Variants in DRC9 observed in about 807,000 individuals in gnomAD.
DRC9 encodes dynein regulatory complex subunit 9.
the DRC9 span, chr3:197,912,724 T>C: frequency 2.5e-6 from 4 of 1,613,818 alleles, no homozygotes; most frequent in Non-Finnish European, 3.4e-6. Context: ...AGTCCGGGCC[T>C]CTTCTTCGGT....
chr3:197,898,584 T>C, the DRC9 span, among the ~76,000 whole-genome samples: 1 of 152,192 alleles, frequency 6.6e-6, no homozygotes, highest in Non-Finnish European at 1.5e-5. Context: ...GGGTAATTTA[T>C]AAAGGAAAGA....
At chr3:197,932,251 C>T in the DRC9 span, 510 of 1,612,570 alleles carry the variant, frequency 3.2e-4, no homozygotes, top group African/African-American at 4.7e-3. Context: ...TGTAAGTGGC[C>T]GAATCTTGCA....
At chr3:197,911,847 C>G in the DRC9 span, among the ~76,000 whole-genome samples, 1 of 151,504 alleles carries the variant, frequency 6.6e-6, no homozygotes, top group Non-Finnish European at 1.5e-5. Flanking sequence ...TCCATGTTGG[C>G]CAGGCTGGTC....
chr3:197,938,747 G>C, the DRC9 span: 10 of 1,613,540 alleles, frequency 6.2e-6, no homozygotes, highest in East Asian at 2.2e-4. Context: ...AGTTTGTCTA[G>C]ATTCGTTCCT....
At chr3:197,890,649 G>T in the DRC9 span, among the ~76,000 whole-genome samples, 1 of 152,136 alleles carries the variant, frequency 6.6e-6, no homozygotes, top group African/African-American at 2.4e-5. Flanking sequence ...GAAAGCAAAC[G>T]TGCTCTTCAG....
chr3:197,943,489 A>G, the DRC9 span, among the ~76,000 whole-genome samples: 4 of 152,184 alleles, frequency 2.6e-5, no homozygotes, highest in South Asian at 8.3e-4. Context: ...TTTATAAAAA[A>G]TTAGCTGGGT....
the DRC9 span, among the ~76,000 whole-genome samples, chr3:197,922,874 G>C: frequency 6.6e-6 from 1 of 152,082 alleles, no homozygotes; most frequent in East Asian, 1.9e-4. Flanking sequence ...TCAGGGAAAA[G>C]AGTTAGGAAA....
chr3:197,945,724 C>A, the DRC9 span: 2 of 794,784 alleles, frequency 2.5e-6, no homozygotes, highest in Non-Finnish European at 4.2e-6. Flanking sequence ...AGTTTATGGG[C>A]GTCTTGAATG....
the DRC9 span, among the ~76,000 whole-genome samples, chr3:197,941,716 A>G: frequency 1.3e-5 from 2 of 150,908 alleles, no homozygotes; most frequent in Non-Finnish European, 2.9e-5. Flanking sequence ...GTACGCCACA[A>G]TTCCTGGCTA....
At chr3:197,937,822 C>T in the DRC9 span, among the ~76,000 whole-genome samples, 1 of 151,928 alleles carries the variant, frequency 6.6e-6, no homozygotes, top group African/African-American at 2.4e-5. Context: ...GGCTGTAGTC[C>T]CAGCTATGTG....
the DRC9 span, among the ~76,000 whole-genome samples, chr3:197,955,173 C>T: frequency 6.6e-6 from 1 of 152,084 alleles, no homozygotes; most frequent in Non-Finnish European, 1.5e-5. Context: ...CTGTTGAACC[C>T]TGCTAAGTGG....
the DRC9 span, chr3:197,925,922 A>G: frequency 2.6e-6 from 2 of 758,122 alleles, no homozygotes; most frequent in African/African-American, 1.7e-5. Flanking sequence ...GGAAACAACA[A>G]TCTTTTACAT....
the DRC9 span, among the ~76,000 whole-genome samples, chr3:197,909,207 G>C: frequency 6.6e-6 from 1 of 152,182 alleles, no homozygotes; most frequent in Non-Finnish European, 1.5e-5. Context: ...CACCAGAACA[G>C]TGGTGTTGTA....
At chr3:197,896,203 C>T in the DRC9 span, among the ~76,000 whole-genome samples, 1 of 151,798 alleles carries the variant, frequency 6.6e-6, no homozygotes, top group South Asian at 2.1e-4. Flanking sequence ...ACTAGCTGGG[C>T]GTGGCAGCAC....
the DRC9 span, among the ~76,000 whole-genome samples, chr3:197,934,473 C>T: frequency 1.3e-5 from 2 of 152,118 alleles, no homozygotes; most frequent in Non-Finnish European, 1.5e-5. Flanking sequence ...GCGTGAGCCA[C>T]GGCGCCCGGC....
At chr3:197,913,430 C>T in the DRC9 span, 33 of 265,288 alleles carry the variant, frequency 1.2e-4, no homozygotes, top group Admixed American at 3.9e-4. Flanking sequence ...CATTTTTCAC[C>T]GTGACTTCTC....
chr3:197,912,532 T>C, the DRC9 span: 99 of 689,598 alleles, frequency 1.4e-4, no homozygotes, highest in African/African-American at 1.5e-3. Flanking sequence ...TTCAGATGCA[T>C]AACCCTGAAA....
the DRC9 span, among the ~76,000 whole-genome samples, chr3:197,933,005 T>C: frequency 7.1e-6 from 1 of 140,344 alleles, no homozygotes; most frequent in Non-Finnish European, 1.5e-5. Context: ...ATTATATATG[T>C]ATAATATATA....
chr3:197,897,802 C>G, the DRC9 span, among the ~76,000 whole-genome samples: 1 of 144,064 alleles, frequency 6.9e-6, no homozygotes, highest in East Asian at 2.0e-4. Flanking sequence ...GACAGAGTCT[C>G]GCTCTGTCGC....
Sources: allele counts gnomAD v4.1 joint callset (sites outside exome capture counted in the v4.1 genomes callset), GRCh38; gene constraint gnomAD v4.1.1; transcripts MANE v1.5; gene names NCBI Gene and HGNC (gene_info 2026-07-23, HGNC 2026-07-21).